The following CNTNAP5 variants were observed in gnomAD, a reference collection of about 807,000 sequenced individuals.
CNTNAP5 encodes contactin-associated protein-like 5.
CNTNAP5 carries 72 observed loss-of-function variants against 150.2 expected under a neutral mutation model. The ratio of observed to expected loss-of-function variants is 0.48; its 90% CI spans 0.40 to 0.58. CNTNAP5 has a LOEUF of 0.58. Among genes scored for constraint, CNTNAP5 ranks in the 20% least tolerant of loss-of-function variants. CNTNAP5 has a pLI of 0.00. For missense variants in CNTNAP5, 1,636 were observed against 1,626.2 expected (o/e 1.01, Z -0.10); for synonymous variants, 672 against 619.8 (o/e 1.08, Z -1.25).
At chr2:124,528,859 C>T (rs991490823) in intron 10 of CNTNAP5, among the ~76,000 whole-genome samples, 1 of 152,084 alleles carries the variant, frequency 6.6e-6, no homozygotes, top group Admixed American at 6.5e-5. Context: ...CAGGTGACTG[C>T]CCCAGTTCAG....
At chr2:124,090,365 C>T (rs1002849111) in intron 1 of CNTNAP5, among the ~76,000 whole-genome samples, 1 of 152,132 alleles carries the variant, frequency 6.6e-6, no homozygotes, top group Admixed American at 6.6e-5. Flanking sequence ...AAAGCACTTC[C>T]TGAGGGCAAA....
chr2:124,505,634 T>C (rs957779335), intron 8 of CNTNAP5, among the ~76,000 whole-genome samples: 2 of 152,104 alleles, frequency 1.3e-5, no homozygotes, highest in African/African-American at 2.4e-5. Flanking sequence ...GTGAACAAAT[T>C]GTATTTCTGG....
At chr2:124,714,560 A>C (rs1358861337) in intron 13 of CNTNAP5, among the ~76,000 whole-genome samples, 2 of 152,148 alleles carry the variant, frequency 1.3e-5, no homozygotes, top group East Asian at 3.9e-4. Flanking sequence ...ACCATTCCCT[A>C]ATATTTATGG....
chr2:124,594,462 T>A (rs1349834809), intron 11 of CNTNAP5, among the ~76,000 whole-genome samples: 1 of 152,112 alleles, frequency 6.6e-6, no homozygotes, highest in East Asian at 1.9e-4. Context: ...AGTGGTGTTA[T>A]TTCTGAGGAC....
intron 4 of CNTNAP5, among the ~76,000 whole-genome samples, chr2:124,419,597 C>T (rs1573982608): frequency 6.6e-6 from 1 of 152,180 alleles, no homozygotes; most frequent in East Asian, 1.9e-4. Flanking sequence ...CATGTAGGCT[C>T]CAGGTCTAGT....
At chr2:124,828,016 C>T (rs570617373) in intron 19 of CNTNAP5, among the ~76,000 whole-genome samples, 3 of 152,244 alleles carry the variant, frequency 2.0e-5, no homozygotes, top group African/African-American at 7.2e-5. Flanking sequence ...GAGTTGCTCC[C>T]ACTTGCACCC....
At chr2:124,503,850 T>C (rs1228386289) in intron 7 of CNTNAP5, among the ~76,000 whole-genome samples, 1 of 152,198 alleles carries the variant, frequency 6.6e-6, no homozygotes, top group Non-Finnish European at 1.5e-5. Context: ...TTCCTTCCTT[T>C]GTTTTGTTTT....
chr2:124,770,782 GTAA>G (rs2104608818), intron 16 of CNTNAP5, among the ~76,000 whole-genome samples: 1 of 152,304 alleles, frequency 6.6e-6, no homozygotes, highest in East Asian at 1.9e-4. Flanking sequence ...ACAGATCACA[GTAA>G]TAATAACAAC....
At chr2:124,553,139 A>G (rs1359273055) in intron 10 of CNTNAP5, among the ~76,000 whole-genome samples, 1 of 152,208 alleles carries the variant, frequency 6.6e-6, no homozygotes, top group African/African-American at 2.4e-5. Flanking sequence ...TGTTCTTCAT[A>G]TGCTGCATGA....
intron 19 of CNTNAP5, among the ~76,000 whole-genome samples, chr2:124,825,132 C>G (rs553078798): frequency 1.0e-3 from 156 of 152,240 alleles, no homozygotes; most frequent in Non-Finnish European, 1.7e-3. Flanking sequence ...ACTATATATA[C>G]TGAGAGTGTT....
At chr2:124,632,232 A>G (rs918969829) in intron 12 of CNTNAP5, among the ~76,000 whole-genome samples, 5 of 152,190 alleles carry the variant, frequency 3.3e-5, no homozygotes, top group African/African-American at 1.2e-4. Flanking sequence ...AAATTATTCT[A>G]TTATAAAGTT....
chr2:124,753,625 T>A (rs550506552), intron 14 of CNTNAP5, among the ~76,000 whole-genome samples: 9 of 152,350 alleles, frequency 5.9e-5, no homozygotes, highest in African/African-American at 2.2e-4. Context: ...GGTTTATTCA[T>A]GTTATTGAAA....
chr2:124,683,371 C>A (rs1679113567), intron 13 of CNTNAP5, among the ~76,000 whole-genome samples: 1 of 151,940 alleles, frequency 6.6e-6, no homozygotes, highest in Non-Finnish European at 1.5e-5. Context: ...AACTGTAAAA[C>A]TTTTTTTTAT....
intron 1 of CNTNAP5, among the ~76,000 whole-genome samples, chr2:124,124,501 C>G (rs1354541699): frequency 6.6e-6 from 1 of 152,160 alleles, no homozygotes; most frequent in Non-Finnish European, 1.5e-5. Flanking sequence ...AGCATATTAT[C>G]CTGGAGAACT....
At chr2:124,565,913 C>A (rs13420274) in intron 11 of CNTNAP5, among the ~76,000 whole-genome samples, 2,448 of 150,164 alleles carry the variant, frequency 0.016, 66 homozygotes, top group African/African-American at 0.057. Flanking sequence ...CCTAGTTCTT[C>A]TATGTGAATA....
chr2:124,197,316 T>C lies in CNTNAP5; in HGVS notation c.83-24389T>C, dbSNP rs181188414. Among the ~76,000 whole-genome samples, 89 of 152,346 alleles carry C rather than the reference T, an allele frequency of 5.8e-4. 1 individual carries two copies. Among genetic ancestry groups the C allele is most frequent in the Non-Finnish European group, 7.9e-4 (54 of 68,042 alleles). On this transcript the variant is annotated intron_variant, in intron 1 of 23. Transcript: ENST00000682447. The stretch of plus-strand genomic sequence containing the variant: ...AAGAAAGTTTTACCATCTACACTTC[T>C]ATATTTAGTTTTGTGTGATTTTAAA...
chr2:124,416,545 C>A (rs1470539982), intron 3 of CNTNAP5, among the ~76,000 whole-genome samples: 1 of 152,124 alleles, frequency 6.6e-6, no homozygotes, highest in East Asian at 1.9e-4. Context: ...ATCTGAGTTG[C>A]ATTGTCTCCC....
chr2:124,736,123 G>A (rs529345707), intron 13 of CNTNAP5, among the ~76,000 whole-genome samples: 1 of 152,170 alleles, frequency 6.6e-6, no homozygotes, highest in Non-Finnish European at 1.5e-5. Flanking sequence ...CCAGCTATTC[G>A]AGAGACTGAG....
intron 7 of CNTNAP5, among the ~76,000 whole-genome samples, chr2:124,494,900 T>A (rs1422734190): frequency 6.6e-6 from 1 of 152,206 alleles, no homozygotes; most frequent in East Asian, 1.9e-4. Context: ...ACTGTTTAAC[T>A]GAAACTCCTA....
Sources: allele counts gnomAD v4.1 joint callset (sites outside exome capture counted in the v4.1 genomes callset), GRCh38; gene constraint gnomAD v4.1.1; transcripts MANE v1.5; gene names NCBI Gene and HGNC (gene_info 2026-07-23, HGNC 2026-07-21).